MLLT10: variants seen among roughly 807,000 people sequenced by gnomAD.
MLLT10 encodes the protein protein AF-10.
A neutral mutation model predicts 129.1 loss-of-function variants in MLLT10; 30 were observed. The observed-to-expected ratio is 0.23, with a 90% CI of 0.17 to 0.32. The LOEUF is 0.32. MLLT10 is among the 10% of genes least tolerant of loss of function. The pLI is 1.00. For missense variants in MLLT10, 1,119 were observed against 1,268.3 expected (o/e 0.88, Z 1.79); for synonymous variants, 490 against 446.4 (o/e 1.10, Z -1.23).
At chr10:21,727,537 T>C (rs1354514984) in intron 15 of MLLT10, among the ~76,000 whole-genome samples, 1 of 152,220 alleles carries the variant, frequency 6.6e-6, no homozygotes, top group Non-Finnish European at 1.5e-5. Context: ...TTCATTACTT[T>C]AACCGTAGAA....
At chr10:21,586,962 A>T (rs1277767249) in intron 4 of MLLT10, among the ~76,000 whole-genome samples, 1 of 150,640 alleles carries the variant, frequency 6.6e-6, no homozygotes, top group Non-Finnish European at 1.5e-5. Context: ...AATGAGCCAC[A>T]TTTTTTTGTT....
At chr10:21,546,470 T>C (rs1210590154) in intron 3 of MLLT10, among the ~76,000 whole-genome samples, 1 of 151,922 alleles carries the variant, frequency 6.6e-6, no homozygotes, top group Admixed American at 6.6e-5. Context: ...AGTGGTGTGA[T>C]CTCCGCTTAC....
intron 13 of MLLT10, among the ~76,000 whole-genome samples, chr10:21,684,974 A>T (rs1422424777): frequency 6.6e-6 from 1 of 151,950 alleles, no homozygotes; most frequent in African/African-American, 2.4e-5. Flanking sequence ...GTGTAGTTGC[A>T]TTTACTTCCT....
chr10:21,681,614 T>C (rs915116138), intron 12 of MLLT10, among the ~76,000 whole-genome samples: 1 of 152,234 alleles, frequency 6.6e-6, no homozygotes, highest in African/African-American at 2.4e-5. Flanking sequence ...TATGGTGCTT[T>C]TGTTGCAGAA....
intron 13 of MLLT10, among the ~76,000 whole-genome samples, chr10:21,689,284 A>G (rs893136634): frequency 2.2e-4 from 34 of 151,984 alleles, no homozygotes; most frequent in Non-Finnish European, 4.7e-4. Flanking sequence ...CTCTAAAAGG[A>G]AGAGAAATAC....
chr10:21,678,361 G>A (rs759765892), intron 11 of MLLT10, among the ~76,000 whole-genome samples: 4 of 152,042 alleles, frequency 2.6e-5, no homozygotes, highest in Non-Finnish European at 5.9e-5. Flanking sequence ...CCTCAGCCTC[G>A]CAAAATGCTG....
intron 3 of MLLT10, chr10:21,556,982 C>A: frequency 1.3e-6 from 2 of 1,506,576 alleles, no homozygotes; most frequent in South Asian, 1.3e-5. Context: ...CTGATGTGGT[C>A]TTTTATATTT....
rs1189234788 is a variant in MLLT10, at chr10:21,617,130, T to G, written c.622T>G (p.Ser208Ala). 1 of 1,518,440 alleles carries G rather than the reference T, an allele frequency of 6.6e-7. No homozygotes were observed. Among genetic ancestry groups the G allele is most frequent in the East Asian group, 2.3e-5 (1 of 43,538 alleles). The allele number at this position is 1,518,440 out of a possible 1,614,324, so 94.1% of individuals were successfully genotyped here. A position where few individuals can be genotyped will look rare whatever the true frequency, so the allele number is the denominator to read the frequency against. ...TTTTTAGAAAAAGAGCAAACGGGGA[T>G]CTAATAGGTCATATGATCAAAGTTT... ...FSKLKKSKRGSNRSYDQSLSD... is the reference protein window; with the variant it reads ...FSKLKKSKRGANRSYDQSLSD... The change falls in exon 8 of 23, where the codon TCT becomes GCT. Residue 208 changes from serine to alanine, a missense_variant. Around this residue, in one of 5 missense-constraint regions of MLLT10, gnomAD observed 1,004 missense variants for 1,008.7 expected, o/e 1.00. Transcript: ENST00000307729.
intron 13 of MLLT10, among the ~76,000 whole-genome samples, chr10:21,684,074 G>A (rs1303199759): frequency 1.3e-5 from 2 of 151,610 alleles, no homozygotes; most frequent in Admixed American, 6.6e-5. Flanking sequence ...TGGCATGATC[G>A]ATCATAGGTC....
chr10:21,701,491 A>G (rs1227283166), intron 13 of MLLT10, among the ~76,000 whole-genome samples: 1 of 151,946 alleles, frequency 6.6e-6, no homozygotes, highest in East Asian at 1.9e-4. Context: ...TGTATCACAT[A>G]GGTTTTGGCA....
At chr10:21,611,158 G>A (rs1180027554) in intron 5 of MLLT10, among the ~76,000 whole-genome samples, 3 of 149,484 alleles carry the variant, frequency 2.0e-5, no homozygotes, top group East Asian at 3.9e-4. Flanking sequence ...CACCATGCCC[G>A]GCTATTTTTT....
chr10:21,640,393 T>C (rs2047891346), intron 8 of MLLT10, among the ~76,000 whole-genome samples: 1 of 150,126 alleles, frequency 6.7e-6, no homozygotes, highest in Non-Finnish European at 1.5e-5. Context: ...TATATCATAA[T>C]ATCACAGAAG....
intron 14 of MLLT10, among the ~76,000 whole-genome samples, chr10:21,715,767 A>G (rs1012834413): frequency 3.9e-5 from 6 of 152,246 alleles, no homozygotes; most frequent in Non-Finnish European, 5.9e-5. Flanking sequence ...ATGTGACTCA[A>G]CTGAAGAACA....
At chr10:21,709,270 C>G (rs1294722840) in intron 13 of MLLT10, among the ~76,000 whole-genome samples, 1 of 149,726 alleles carries the variant, frequency 6.7e-6, no homozygotes, top group African/African-American at 2.5e-5. Context: ...TGGAGTCTTG[C>G]TCTGTCGCCC....
rs190065500 is a variant in MLLT10, at chr10:21,628,595, C to A, written c.699+11388C>A. Among the ~76,000 whole-genome samples the A allele has an allele frequency of 1.9e-3, 296 of 151,888 alleles. 1 individual carries two copies. Among genetic ancestry groups the A allele is most frequent in the Non-Finnish European group, 9.3e-4 (63 of 67,954 alleles). ...TAGCTGGGATTACGGGCTTTTGCCA[C>A]GACGCCCAGCTAATTTTTGTATTTT... On this transcript the variant is annotated intron_variant, in intron 8 of 22. Transcript: ENST00000307729.
chr10:21,734,168 C>G, intron 20 of MLLT10, 39 bp downstream of exon 20: 2 of 1,552,358 alleles, frequency 1.3e-6, no homozygotes, highest in Non-Finnish European at 1.7e-6. Flanking sequence ...TTTAGTATAA[C>G]AGAGTACCGG....
chr10:21,638,204 A>G (rs2047636463), intron 8 of MLLT10, among the ~76,000 whole-genome samples: 1 of 122,330 alleles, frequency 8.2e-6, no homozygotes, highest in South Asian at 2.6e-4. Context: ...GATAGTAAAT[A>G]TTTTGGGCTT....
intron 4 of MLLT10, among the ~76,000 whole-genome samples, chr10:21,592,451 T>G (rs1219937882): frequency 1.4e-5 from 2 of 142,290 alleles, no homozygotes; most frequent in Admixed American, 6.8e-5. Context: ...TTTTTTTTTT[T>G]TTGTTTGTTT....
rs985101874 is a variant in MLLT10 at position 21,743,130 on chromosome 10, A to AT, written c.*1149dup. The AT allele has an allele frequency of 2.6e-5, 6 of 230,584 alleles. No individual in the cohort carries two copies. Among genetic ancestry groups the AT allele is most frequent in the African/African-American group, 6.6e-5 (3 of 45,160 alleles). The allele number at this position is 230,584 out of a possible 1,614,324, so 14.3% of individuals were successfully genotyped here. On this transcript the variant is annotated 3_prime_UTR_variant, in exon 23 of 23. Coordinates refer to ENST00000307729, the MANE Select transcript of MLLT10 (RefSeq NM_001195626.3). ...TTTGATGTGACAGTACCGCAGAGTG[A>AT]TTCCCCCACTGAGGATGTCATCATC...
Sources: gnomAD v4.1 joint callset for allele counts (sites outside exome capture counted in the v4.1 genomes callset) on GRCh38, gnomAD v4.1.1 for gene constraint, gnomAD v4.1.1 regional missense constraint, MANE v1.5 for transcripts, NCBI Gene and HGNC (gene_info 2026-07-23, HGNC 2026-07-21) for gene names.